HDAC9: variants seen among roughly 807,000 people sequenced by gnomAD.
HDAC9 encodes the protein histone deacetylase 9.
In HDAC9, 41 loss-of-function variants were observed where a neutral mutation model predicts 139.4. The observed-to-expected ratio is 0.29, with a 90% CI of 0.23 to 0.38. The LOEUF (loss-of-function observed/expected upper bound fraction) is 0.38. Among genes scored for constraint, HDAC9 ranks in the 10% least tolerant of loss-of-function variants. HDAC9 has a pLI of 1.00. For missense variants in HDAC9, 1,147 were observed against 1,297.0 expected, an observed-to-expected ratio of 0.88 and a Z score of 1.78; for synonymous variants, 517 against 476.2, an observed-to-expected ratio of 1.09 and a Z score of -1.12.
intron 1 of HDAC9, among the ~76,000 whole-genome samples, chr7:18,376,678 T>TCTG (rs1271516068): frequency 2.6e-5 from 4 of 152,134 alleles, no homozygotes; most frequent in Non-Finnish European, 5.9e-5. Flanking sequence ...TCAGAGATGC[T>TCTG]GAAGCTAAGG....
intron 2 of HDAC9, among the ~76,000 whole-genome samples, chr7:18,559,234 A>C (rs544146557): frequency 6.6e-6 from 1 of 152,192 alleles, no homozygotes; most frequent in Non-Finnish European, 1.5e-5. Flanking sequence ...AGCAAAGCCC[A>C]ATAGTCTTGT....
Position 18,319,074 on chromosome 7 carries a change from C to T in HDAC9, c.-42+28559C>T, listed in dbSNP as rs186429640. On this transcript the variant is annotated intron_variant, in intron 1 of 3. Transcript: ENST00000413509. Reference sequence around the variant, plus strand: ...CAAACAAACGTTAAATGTTTGTTAGCGTAGTAGCATTTACCGTAATTGTTG... The same window carrying T: ...CAAACAAACGTTAAATGTTTGTTAGTGTAGTAGCATTTACCGTAATTGTTG... Among the ~76,000 whole-genome samples, 30 of 152,236 alleles carry T rather than the reference C, an allele frequency of 2.0e-4. 1 individual carries two copies. Among genetic ancestry groups the T allele is most frequent in the African/African-American group, 5.5e-4 (23 of 41,558 alleles).
chr7:18,850,657 T>C (rs940879430), intron 21 of HDAC9, among the ~76,000 whole-genome samples: 1 of 152,194 alleles, frequency 6.6e-6, no homozygotes, highest in African/African-American at 2.4e-5. Flanking sequence ...TCGCCATTAA[T>C]TCAAAATGGG....
At chr7:18,919,534 A>G (rs1399239764) in intron 22 of HDAC9, among the ~76,000 whole-genome samples, 3 of 152,038 alleles carry the variant, frequency 2.0e-5, no homozygotes, top group Non-Finnish European at 4.4e-5. Flanking sequence ...TCCCAAATCT[A>G]CAGCCACCTG....
chr7:18,358,938 T>A lies in HDAC9; in HGVS notation c.-42+68423T>A, dbSNP rs375173539. On this transcript the variant is annotated intron_variant, in intron 1 of 3. Coordinates refer to the HDAC9 transcript ENST00000413509. Reference sequence around the variant, plus strand: ...CAGTAGTATTCAATTAATACCAGATTAGGTGATTTGCCATGATTTGCCCAA... The same window carrying A: ...CAGTAGTATTCAATTAATACCAGATAAGGTGATTTGCCATGATTTGCCCAA... 4.6e-5 allele frequency among the ~76,000 whole-genome samples: 7 copies of A among 152,324 alleles called. No individual in the cohort carries two copies. The East Asian group carries it at 7.7e-4, about 17-fold the overall frequency.
At chr7:18,848,885 T>C (rs1797085427) in intron 21 of HDAC9, among the ~76,000 whole-genome samples, 1 of 152,200 alleles carries the variant, frequency 6.6e-6, no homozygotes, top group Admixed American at 6.5e-5. Flanking sequence ...ACATATAATA[T>C]GTAAATTCAT....
intron 2 of HDAC9, among the ~76,000 whole-genome samples, chr7:18,546,132 C>T (rs1259862521): frequency 6.6e-6 from 1 of 152,188 alleles, no homozygotes; most frequent in African/African-American, 2.4e-5. Flanking sequence ...TTTTGCCAAG[C>T]ACTACATGCC....
intron 16 of HDAC9, among the ~76,000 whole-genome samples, chr7:18,774,530 A>G (rs930150750): frequency 2.0e-5 from 3 of 152,050 alleles, no homozygotes; most frequent in African/African-American, 7.2e-5. Context: ...GTAGTCTATT[A>G]AGTTTACAGT....
At chr7:18,912,480 T>G (rs1197268137) in intron 22 of HDAC9, among the ~76,000 whole-genome samples, 1 of 152,072 alleles carries the variant, frequency 6.6e-6, no homozygotes, top group East Asian at 1.9e-4. Flanking sequence ...AATTACCACT[T>G]TCTCTGAAAA....
intron 21 of HDAC9, among the ~76,000 whole-genome samples, chr7:18,848,618 A>G (rs1797065188): frequency 6.6e-6 from 1 of 152,014 alleles, no homozygotes; most frequent in Non-Finnish European, 1.5e-5. Context: ...TCTAGCCACC[A>G]GAACTGTGAG....
intron 1 of HDAC9, among the ~76,000 whole-genome samples, chr7:18,445,230 G>A (rs1792177853): frequency 6.6e-6 from 1 of 152,054 alleles, no homozygotes; most frequent in African/African-American, 2.4e-5. Context: ...TAATTGTGAA[G>A]GTAAAGTTAG....
At chr7:18,523,033 T>A (rs2128219475) in intron 2 of HDAC9, among the ~76,000 whole-genome samples, 1 of 152,278 alleles carries the variant, frequency 6.6e-6, no homozygotes, top group Admixed American at 6.5e-5. Flanking sequence ...TTTGCAATAT[T>A]GAGAAGGCCT....
intron 1 of HDAC9, among the ~76,000 whole-genome samples, chr7:18,450,522 C>T (rs1792718210): frequency 1.3e-5 from 2 of 152,148 alleles, no homozygotes; most frequent in African/African-American, 4.8e-5. Flanking sequence ...GGTTACAGGG[C>T]AGACACTTTT....
intron 1 of HDAC9, among the ~76,000 whole-genome samples, chr7:18,305,786 C>A (rs1441318163): frequency 6.6e-6 from 1 of 151,666 alleles, no homozygotes; most frequent in Non-Finnish European, 1.5e-5. Flanking sequence ...AGAGTGCAGG[C>A]AGTAATTGCT....
chr7:18,805,312 A>G (rs559248061), intron 17 of HDAC9, among the ~76,000 whole-genome samples: 6 of 152,236 alleles, frequency 3.9e-5, no homozygotes, highest in African/African-American at 1.4e-4. Context: ...CTGTTACCAG[A>G]GTGGGGTAGG....
In HDAC9 at chr7:18,919,243, A is replaced by C. The variant is rs143739427; in HGVS notation, c.2804-16566A>C. Among the ~76,000 whole-genome samples the C allele has an allele frequency of 5.5e-3, 833 of 152,082 alleles. 8 individuals carry two copies. The highest frequency in any genetic ancestry group is 0.019 in the African/African-American group (793 of 41,528). Reference sequence around the variant, plus strand: ...GTGATACCTAAACTATTTATTTACTATTTTTGGAAGGTTTTCTTCATGTTG... The same window carrying C: ...GTGATACCTAAACTATTTATTTACTCTTTTTGGAAGGTTTTCTTCATGTTG... On this transcript the variant is annotated intron_variant, in intron 22 of 25. Transcript: ENST00000686413.
Position 18,999,923 on chromosome 7 carries a change from G to T in HDAC9, c.*3861G>T, listed in dbSNP as rs917677281. The T allele has an allele frequency of 6.6e-6, 1 of 152,212 alleles. No homozygotes were observed. Among genetic ancestry groups the T allele is most frequent in the Non-Finnish European group, 1.5e-5 (1 of 68,014 alleles). The allele number at this position is 152,212 out of a possible 1,614,324, so 9.4% of individuals were successfully genotyped here. A position where few individuals can be genotyped will look rare whatever the true frequency, so the allele number is the denominator to read the frequency against. On this transcript the variant is annotated 3_prime_UTR_variant, in exon 26 of 26. Coordinates refer to ENST00000686413, the MANE Select transcript of HDAC9 (RefSeq NM_178425.4). ...AAGTGATTCATTCTGAGCTTGAAAC[G>T]ACTCTGTCAGTGTTTGACATTGTCA... is the stretch of plus-strand genomic sequence containing the variant.
At chr7:18,484,874 C>T (rs1292627873) in intron 1 of HDAC9, among the ~76,000 whole-genome samples, 1 of 148,408 alleles carries the variant, frequency 6.7e-6, no homozygotes, top group African/African-American at 2.5e-5. Context: ...AAAAGGAAAA[C>T]GTAAAAAATT....
At chr7:18,160,176 A>C (rs549499164) in intron 1 of HDAC9, among the ~76,000 whole-genome samples, 77 of 152,358 alleles carry the variant, frequency 5.1e-4, no homozygotes, top group Non-Finnish European at 7.3e-4. Context: ...TTTAAAAATC[A>C]CACTAACTAT....
Sources: allele counts gnomAD v4.1 joint callset (sites outside exome capture counted in the v4.1 genomes callset), GRCh38; gene constraint gnomAD v4.1.1; transcripts MANE v1.5; gene names NCBI Gene and HGNC (gene_info 2026-07-23, HGNC 2026-07-21).